The following COL14A1 variants were observed in gnomAD, a reference collection of about 807,000 sequenced individuals.
The protein encoded by COL14A1 is collagen type XIV alpha 1 chain.
A neutral mutation model predicts 230.3 loss-of-function variants in COL14A1; 136 were observed. The observed-to-expected ratio is 0.59, with a 90% CI of 0.51 to 0.68. The LOEUF (loss-of-function observed/expected upper bound fraction) is 0.68, where lower values mean the gene tolerates loss of function less well. Among genes scored for constraint, COL14A1 ranks in the 30% least tolerant of loss-of-function variants. COL14A1 has a pLI of 0.00. For synonymous variants in COL14A1, 792 were observed against 784.1 expected (o/e 1.01, Z -0.17); for missense variants, 1,976 against 2,215.8 (o/e 0.89, Z 2.17).
rs1479318871 is a variant in COL14A1 at position 120,197,882 on chromosome 8, A to T, written c.664A>T (p.Ile222Phe). The T allele has an allele frequency of 1.2e-6, 2 of 1,613,770 alleles. No individual in the cohort carries two copies. Among genetic ancestry groups the T allele is most frequent in the African/African-American group, 1.3e-5 (1 of 75,028 alleles). Residue 222 changes from isoleucine to phenylalanine, a missense_variant, in exon 7 of 48, where the codon ATT becomes TTT. Physicochemically the swap from Ile to Phe is conservative, Grantham distance 21. This residue lies in a region of COL14A1 where 1,791 missense variants were observed against 2,019.5 expected (regional missense o/e 0.89). Coordinates refer to ENST00000297848, the MANE Select transcript of COL14A1 (RefSeq NM_021110.4). The part of the protein sequence containing the change: ...LNAFSTKDEV[I>F]EAVRNLPYKG... ...TGCATTTAGCACAAAAGATGAAGTG[A>T]TTGAAGCTGTCCGAAACCTCCCATA...
chr8:120,167,190 C>T (rs1434958440), intron 4 of COL14A1, among the ~76,000 whole-genome samples: 1 of 151,888 alleles, frequency 6.6e-6, no homozygotes, highest in Admixed American at 6.6e-5. Context: ...CAAACCATTT[C>T]AGCAAAGGGA....
chr8:120,238,413 G>C (rs1209746290), intron 19 of COL14A1, among the ~76,000 whole-genome samples: 1 of 152,122 alleles, frequency 6.6e-6, no homozygotes, highest in East Asian at 1.9e-4. Context: ...ACTGTGAGGG[G>C]AAAACTGTCT....
intron 35 of COL14A1, among the ~76,000 whole-genome samples, chr8:120,299,179 A>T (rs996410866): frequency 6.6e-6 from 1 of 152,054 alleles, no homozygotes; most frequent in African/African-American, 2.4e-5. Flanking sequence ...CTATATCAAG[A>T]TGAGATTTGG....
At chr8:120,276,492 T>C (rs1353932171) in intron 26 of COL14A1, among the ~76,000 whole-genome samples, 2 of 151,268 alleles carry the variant, frequency 1.3e-5, no homozygotes, top group African/African-American at 4.9e-5. Context: ...AATACCCTTG[T>C]ACTCCAAAAG....
At position 120,328,386 on chromosome 8, in the gene COL14A1, AT is replaced by A. The variant is rs1191940919; in HGVS notation, c.4660-3746del. Among the ~76,000 whole-genome samples, 709 of 135,396 alleles carry A rather than the reference AT, an allele frequency of 5.2e-3. 7 individuals carry two copies. The highest frequency in any genetic ancestry group is 7.2e-3 in the Non-Finnish European group (449 of 62,540). The allele number at this position is 135,396 out of a possible 152,430, so 88.8% of individuals were successfully genotyped here. A position where few individuals can be genotyped will look rare whatever the true frequency, so the allele number is the denominator to read the frequency against. On this transcript the variant is annotated intron_variant, in intron 40 of 47. Coordinates refer to ENST00000297848, the MANE Select transcript of COL14A1 (RefSeq NM_021110.4). Reference sequence around the variant, plus strand: ...CAGGCACAAGCCACCAGGCAGAGCAATTTTTTTTTAATTTTTTTTTTTTTGG... The same window carrying A: ...CAGGCACAAGCCACCAGGCAGAGCAATTTTTTTTAATTTTTTTTTTTTTGG...
intron 14 of COL14A1, among the ~76,000 whole-genome samples, chr8:120,220,004 T>G (rs984652048): frequency 4.0e-5 from 6 of 149,250 alleles, no homozygotes; most frequent in East Asian, 1.9e-4. Context: ...GTGTGTGTGT[T>G]TTTCTTATTT....
At chr8:120,153,994 A>C (rs1815378500) in intron 2 of COL14A1, among the ~76,000 whole-genome samples, 1 of 152,026 alleles carries the variant, frequency 6.6e-6, no homozygotes, top group Non-Finnish European at 1.5e-5. Flanking sequence ...GGCCCTATGC[A>C]GTGGGGGAGG....
intron 3 of COL14A1, among the ~76,000 whole-genome samples, chr8:120,158,737 A>G (rs1815562487): frequency 6.6e-6 from 1 of 152,222 alleles, no homozygotes; most frequent in Admixed American, 6.5e-5. Flanking sequence ...TAAATTAAGC[A>G]TCTTTATTTT....
rs746805652 is a variant in COL14A1, at chr8:120,279,984, G to A, written c.3531G>A (p.Leu1177=). Residue 1177 remains leucine, a synonymous_variant, in exon 29 of 48, where the codon TTG becomes TTA. Transcript: ENST00000297848. ...TGGCCGATGCAGATTACTCGGAGTT[G>A]GTTAGCATTGGCAGTAAGCCCAGCG... ...IGVADADYSE[L]VSIGSKPSAR... 6.2e-7 allele frequency: 1 copy of A among 1,613,706 alleles called. No individual in the cohort carries two copies. Among genetic ancestry groups the A allele is most frequent in the African/African-American group, 1.3e-5 (1 of 74,910 alleles).
At chr8:120,196,644 T>A (rs534123993) in intron 5 of COL14A1, 147 bp from the exon 6 acceptor site, 2 of 735,402 alleles carry the variant, frequency 2.7e-6, no homozygotes, top group Admixed American at 3.1e-5. Flanking sequence ...TAAAATACAT[T>A]TAAGGGAAGA....
At chr8:120,173,739 T>C (rs1816179681) in intron 5 of COL14A1, among the ~76,000 whole-genome samples, 1 of 151,966 alleles carries the variant, frequency 6.6e-6, no homozygotes. Context: ...TACCACAGGG[T>C]TTATTTTAGC....
intron 36 of COL14A1, among the ~76,000 whole-genome samples, chr8:120,304,979 C>CTT (rs1203765080): frequency 2.1e-5 from 3 of 141,032 alleles, no homozygotes; most frequent in Non-Finnish European, 1.6e-5. Flanking sequence ...ACTGTGAAAA[C>CTT]TTTTTTTTTT....
intron 40 of COL14A1, among the ~76,000 whole-genome samples, chr8:120,325,153 G>A (rs1218354498): frequency 6.6e-6 from 1 of 152,178 alleles, no homozygotes; most frequent in African/African-American, 2.4e-5. Flanking sequence ...TACTTTTGCT[G>A]ATAAATCATA....
In COL14A1 at chr8:120,297,567, A is replaced by G; in HGVS notation, c.4293A>G (p.Lys1431=). 1 of 1,426,970 alleles carries G rather than the reference A, an allele frequency of 7.0e-7. No individual in the cohort carries two copies. The highest frequency in any genetic ancestry group is 9.2e-7 in the Non-Finnish European group (1 of 1,086,268). 88.4% of individuals were successfully genotyped at this position (1,426,970 alleles called of 1,614,324 possible). Residue 1431 remains lysine, a synonymous_variant, in exon 35 of 48, where the codon AAA becomes AAG. Coordinates refer to ENST00000297848, the MANE Select transcript of COL14A1 (RefSeq NM_021110.4). ...CCACATCATGGGCCAATACAGACAAATGCTGTGAACTTCCAGGCCTGGTAA... is the reference window on the plus strand; with the variant it reads ...CCACATCATGGGCCAATACAGACAAGTGCTGTGAACTTCCAGGCCTGGTAA... ...VCSTSWANTD[K]CCELPGLRDD...
rs779649183 is a variant in COL14A1 at position 120,226,731 on chromosome 8, A to G, written c.1969A>G (p.Met657Val). ...LSADEGLHKL[M>V]WIPVYGGKTE... ...AGCTGATGAAGGGCTACACAAATTG[A>G]TGTGGATTCCAGTCTATGGGGGGAA... The change falls in exon 16 of 48, where the codon ATG becomes GTG. Residue 657 changes from methionine to valine, a missense_variant. Coordinates refer to ENST00000297848, the MANE Select transcript of COL14A1 (RefSeq NM_021110.4). 6 of 1,613,818 alleles carry G rather than the reference A, an allele frequency of 3.7e-6. No individual in the cohort carries two copies. The highest frequency in any genetic ancestry group is 5.1e-6 in the Non-Finnish European group (6 of 1,179,826).
chr8:120,224,044 T>TTTTTTTTTTA (rs1349033999), intron 14 of COL14A1, among the ~76,000 whole-genome samples: 3 of 144,930 alleles, frequency 2.1e-5, no homozygotes, highest in East Asian at 2.1e-4. Context: ...TTTTTTTTTT[T>TTTTTTTTTTA]GAGACAGAGT....
intron 21 of COL14A1, among the ~76,000 whole-genome samples, chr8:120,249,017 C>A (rs1818853044): frequency 6.8e-6 from 1 of 147,964 alleles, no homozygotes; most frequent in African/African-American, 2.5e-5. Flanking sequence ...GCTCCGCCTC[C>A]CGGGTTCACG....
intron 13 of COL14A1, among the ~76,000 whole-genome samples, chr8:120,215,098 G>A (rs905724800): frequency 1.3e-5 from 2 of 152,152 alleles, no homozygotes; most frequent in African/African-American, 4.8e-5. Context: ...GGCTTGCTGC[G>A]GTGGCTCACG....
At chr8:120,139,655 G>A (rs79254718) in intron 1 of COL14A1, among the ~76,000 whole-genome samples, 3,614 of 152,118 alleles carry the variant, frequency 0.024, 57 homozygotes, top group African/African-American at 0.036. Context: ...AACATGTTGC[G>A]ATCATGCTAC....
Sources: allele counts gnomAD v4.1 joint callset (sites outside exome capture counted in the v4.1 genomes callset), GRCh38; gene constraint gnomAD v4.1.1; regional missense constraint gnomAD v4.1.1; transcripts MANE v1.5; gene names NCBI Gene and HGNC (gene_info 2026-07-23, HGNC 2026-07-21).